Variants in ZNF805 observed in about 807,000 individuals in gnomAD.
The protein encoded by ZNF805 is zinc finger protein 805, also known as CTC-444N24.8.
Under a neutral mutation model 13.6 loss-of-function variants are expected in ZNF805, and 7 were observed. The observed-to-expected ratio is 0.51, with a 90% confidence interval of 0.29 to 0.97. ZNF805 has a LOEUF of 0.97. Ranked by LOEUF, ZNF805 falls within the 50% of genes least tolerant of loss-of-function variation. ZNF805 has a pLI of 0.08. For missense variants in ZNF805, 604 were observed against 771.0 expected (o/e 0.78, Z 2.57); for synonymous variants, 293 against 279.8 (o/e 1.05, Z -0.47).
chr19:57,248,075 G>A (rs142597795), intron 2 of ZNF805, among the ~76,000 whole-genome samples: 2,946 of 152,294 alleles, frequency 0.019, 40 homozygotes, highest in Admixed American at 0.052. Flanking sequence ...CAGGCATGAT[G>A]GCACGCGCCT....
At chr19:57,251,900 C>T (rs1452479851) in intron 3 of ZNF805, among the ~76,000 whole-genome samples, 5 of 152,182 alleles carry the variant, frequency 3.3e-5, no homozygotes, top group Non-Finnish European at 7.3e-5. Flanking sequence ...TTGCCATCTA[C>T]CAAAGCCCCA....
Position 57,253,847 on chromosome 19 carries a change from A to G in ZNF805, c.1028A>G (p.Tyr343Cys). ...ATCATCCACAGTGGTGAGAATCCCT[A>G]CGAGTGCTTCGAATGTGGCAAGGTC... ...HYIIHSGENPYECFECGKVFK... is the reference protein window; with the variant it reads ...HYIIHSGENPCECFECGKVFK... Residue 343 changes from tyrosine to cysteine, a missense_variant, in exon 4 of 4, where the codon TAC becomes TGC. Tyr to Cys is a radical substitution (Grantham distance 194). This residue lies in a region of ZNF805 where 228 missense variants were observed against 352.8 expected (regional missense o/e 0.65). Transcript: ENST00000414468. The surrounding 1 kb of genome is among the most constrained non-coding windows in gnomAD (Gnocchi z 4.4). 1 of 1,614,166 alleles carries G rather than the reference A, an allele frequency of 6.2e-7. No individual in the cohort carries two copies. Among genetic ancestry groups the G allele is most frequent in the Non-Finnish European group, 8.5e-7 (1 of 1,180,028 alleles).
rs376509002 is a variant in ZNF805 at position 57,254,145 on chromosome 19, C to T, written c.1326C>T (p.Phe442=). The T allele has an allele frequency of 3.8e-5, 62 of 1,613,590 alleles. 1 individual carries two copies. In the South Asian group the frequency reaches 4.5e-4, roughly 12 times the overall value. Residue 442 remains phenylalanine, a synonymous_variant, in exon 4 of 4, where the codon TTC becomes TTT. Coordinates refer to ENST00000414468, the MANE Select transcript of ZNF805 (RefSeq NM_001023563.4). ...AGGCCTTCACCCACTGCTCTACTTT[C>T]ATCTTGCATAAAAGGGCCCACACTG... is the stretch of plus-strand genomic sequence containing the variant. ...CGKAFTHCST[F]ILHKRAHTGE... is the part of the protein sequence containing the mutation.
rs1209244042 is a variant in ZNF805, at chr19:57,256,637, C to A, written c.*1934C>A. 2.0e-5 allele frequency among the ~76,000 whole-genome samples: 3 copies of A among 152,102 alleles called. No individual in the cohort carries two copies. The highest frequency in any genetic ancestry group is 7.2e-5 in the African/African-American group (3 of 41,456). Reference sequence around the variant, plus strand: ...ATATTTCCTTTTATCCTCTTGATGGCAGCAGGATCTGTACTTATGTTCCTT... The same window carrying A: ...ATATTTCCTTTTATCCTCTTGATGGAAGCAGGATCTGTACTTATGTTCCTT... On this transcript the variant is annotated 3_prime_UTR_variant, in exon 4 of 4. Transcript: ENST00000414468.
intron 3 of ZNF805, 47 bp downstream of exon 3, chr19:57,248,747 C>A: frequency 6.7e-7 from 1 of 1,483,176 alleles, no homozygotes; most frequent in Non-Finnish European, 9.2e-7. Context: ...TGGCTTGAGA[C>A]TTCGAGGAGA....
Position 57,254,215 on chromosome 19 carries a change from A to G in ZNF805, c.1396A>G (p.Asn466Asp). 1 of 1,610,308 alleles carries G rather than the reference A, an allele frequency of 6.2e-7. No individual in the cohort carries two copies. The highest frequency in any genetic ancestry group is 1.1e-5 in the South Asian group (1 of 90,918). Residue 466 changes from asparagine to aspartate, a missense_variant, in exon 4 of 4, where the codon AAT becomes GAT. Physicochemically the swap from Asn to Asp is conservative, Grantham distance 23. Transcript: ENST00000414468. ...CAAAGAGTGTGGGAAAGCCTTTAGCAATAGGGCAGACCTCATTCGCCACTT... is the reference window on the plus strand; with the variant it reads ...CAAAGAGTGTGGGAAAGCCTTTAGCGATAGGGCAGACCTCATTCGCCACTT... ...ECKECGKAFSNRADLIRHFSI... is the reference protein window; with the variant it reads ...ECKECGKAFSDRADLIRHFSI...
chr19:57,251,252 G>A (rs1164479808), intron 3 of ZNF805, among the ~76,000 whole-genome samples: 1 of 151,978 alleles, frequency 6.6e-6, no homozygotes, highest in South Asian at 2.1e-4. Flanking sequence ...AGGAATTTTT[G>A]GAAGGTTCCA....
rs1348551947 is a variant in ZNF805 at position 57,260,969 on chromosome 19, C to A, written c.*6266C>A. On this transcript the variant is annotated 3_prime_UTR_variant, in exon 4 of 4. Transcript: ENST00000414468. ...TATGACAACTCCATAATGTTATTTC[C>A]CCCCTTTAACTGATTAGAAAACTGA... is the stretch of plus-strand genomic sequence containing the variant. 4.6e-5 allele frequency among the ~76,000 whole-genome samples: 7 copies of A among 152,122 alleles called. No homozygotes were observed. Among genetic ancestry groups the A allele is most frequent in the African/African-American group, 1.7e-4 (7 of 41,408 alleles).
Position 57,253,309 on chromosome 19 carries a change from G to A in ZNF805, c.490G>A (p.Ala164Thr), listed in dbSNP as rs768822798. The change falls in exon 4 of 4, where the codon GCT becomes ACT. Residue 164 changes from alanine (A) to threonine (T), a missense_variant. Around this residue, in one of 3 missense-constraint regions of ZNF805, gnomAD observed 327 missense variants for 378.2 expected, o/e 0.86. Transcript: ENST00000414468. The surrounding 1 kb of genome is among the most constrained non-coding windows in gnomAD (Gnocchi z 4.4). ...CCCCAAACATGATGGTTTAGGGACA[G>A]CTGATAGTGTGTGTTCAAGGATTAT... ...MSPKHDGLGT[A>T]DSVCSRIIQD... 3 of 1,575,014 alleles carry A rather than the reference G, an allele frequency of 1.9e-6. No individual in the cohort carries two copies. The highest frequency in any genetic ancestry group is 1.7e-4 in the Middle Eastern group (1 of 6,020).
At position 57,257,199 on chromosome 19, in the gene ZNF805, T is replaced by C. The variant is rs1056989278; in HGVS notation, c.*2496T>C. Among the ~76,000 whole-genome samples the C allele has an allele frequency of 6.6e-6, 1 of 152,180 alleles. No individual in the cohort carries two copies. Among genetic ancestry groups the C allele is most frequent in the Admixed American group, 6.5e-5 (1 of 15,278 alleles). ...AGGATATAGGCTGTCTTGTTTTACATAGCTGCTTGAAAAGAATGTGTGTTC... is the reference window on the plus strand; with the variant it reads ...AGGATATAGGCTGTCTTGTTTTACACAGCTGCTTGAAAAGAATGTGTGTTC... On this transcript the variant is annotated 3_prime_UTR_variant, in exon 4 of 4. Transcript: ENST00000414468.
intron 1 of ZNF805, 119 bp from the exon 2 acceptor site, chr19:57,243,804 C>A: frequency 1.4e-6 from 2 of 1,415,572 alleles, no homozygotes; most frequent in Non-Finnish European, 2.0e-6. Flanking sequence ...CAGCCTGGTA[C>A]AAAGTTAGGC....
At chr19:57,245,652 G>A (rs534297289) in intron 2 of ZNF805, among the ~76,000 whole-genome samples, 466 of 150,724 alleles carry the variant, frequency 3.1e-3, no homozygotes, top group South Asian at 6.4e-3. Flanking sequence ...GGTGGCGGGT[G>A]CCTGTAGTCC....
At position 57,254,645 on chromosome 19, in the gene ZNF805, C is replaced by G. The variant is rs1451941446; in HGVS notation, c.1826C>G (p.Ser609Cys). Residue 609 changes from serine to cysteine, a missense_variant, in exon 4 of 4, where the codon TCT becomes TGT. Ser to Cys is a moderately radical substitution (Grantham distance 112). Transcript: ENST00000414468. ...GAAAATCTTTTGCAAGAGGAAGCAT[C>G]TTACATGGCATCTGATCGTACATAC... is the stretch of plus-strand genomic sequence containing the variant. ...TEENLLQEEASYMASDRTYQR... is the reference protein window; with the variant it reads ...TEENLLQEEACYMASDRTYQR... 2 of 1,614,128 alleles carry G rather than the reference C, an allele frequency of 1.2e-6. No homozygotes were observed. The highest frequency in any genetic ancestry group is 8.5e-7 in the Non-Finnish European group (1 of 1,179,996).
Position 57,261,244 on chromosome 19 carries a change from A to G in ZNF805, c.*6541A>G, listed in dbSNP as rs140985563. 2 of 167,178 alleles carry G rather than the reference A, an allele frequency of 1.2e-5. No homozygotes were observed. Among genetic ancestry groups the G allele is most frequent in the East Asian group, 3.9e-4 (2 of 5,192 alleles). 10.4% of individuals were successfully genotyped at this position (167,178 alleles called of 1,614,324 possible). Reference sequence around the variant, plus strand: ...CCATTCCTTCAAGCAAATGAGATAAACCAGACTCACTCTTTAATGCCTGCA... The same window carrying G: ...CCATTCCTTCAAGCAAATGAGATAAGCCAGACTCACTCTTTAATGCCTGCA... On this transcript the variant is annotated 3_prime_UTR_variant, in exon 4 of 4. Coordinates refer to ENST00000414468, the MANE Select transcript of ZNF805 (RefSeq NM_001023563.4).
At chr19:57,245,537 T>A (rs185773737) in intron 2 of ZNF805, among the ~76,000 whole-genome samples, 2 of 151,610 alleles carry the variant, frequency 1.3e-5, no homozygotes, top group Non-Finnish European at 2.9e-5. Flanking sequence ...CCCAGCACTT[T>A]GGGAGGCCGA....
chr19:57,240,735 T>C lies in ZNF805; in HGVS notation c.-157T>C. ...TAGGAGGCCGACAGCGACCTCCGCG[T>C]CTCGGAGCGAACCGTGAGCCTCCCC... is the stretch of plus-strand genomic sequence containing the variant. On this transcript the variant is annotated 5_prime_UTR_variant, in exon 1 of 4. Coordinates refer to ENST00000414468, the MANE Select transcript of ZNF805 (RefSeq NM_001023563.4). The C allele has an allele frequency of 1.5e-6, 1 of 645,858 alleles. No individual in the cohort carries two copies. The highest frequency in any genetic ancestry group is 2.5e-6 in the Non-Finnish European group (1 of 394,018). The allele number at this position is 645,858 out of a possible 1,614,324, so 40.0% of individuals were successfully genotyped here. A position where few individuals can be genotyped will look rare whatever the true frequency, so the allele number is the denominator to read the frequency against.
chr19:57,241,528 G>A (rs1297598535), intron 1 of ZNF805, among the ~76,000 whole-genome samples: 4 of 152,112 alleles, frequency 2.6e-5, no homozygotes, highest in East Asian at 1.9e-4. Context: ...AGGGACTCCC[G>A]TCACACACAT....
In ZNF805 at chr19:57,253,920, G is replaced by A. The variant is rs1199817222; in HGVS notation, c.1101G>A (p.Gly367=). The A allele has an allele frequency of 1.9e-6, 3 of 1,613,890 alleles. No individual in the cohort carries two copies. The highest frequency in any genetic ancestry group is 1.7e-5 in the Admixed American group (1 of 60,004). Residue 367 remains glycine (G), a synonymous_variant, in exon 4 of 4, where the codon GGG becomes GGA. Coordinates refer to ENST00000414468, the MANE Select transcript of ZNF805 (RefSeq NM_001023563.4). This position sits in a 1 kb window ranked among gnomAD's most constrained non-coding sequence, Gnocchi z 4.4. ...YLMWHQQTHT[G]EKPYECSECG... ...TGTGGCACCAGCAGACTCATACCGG[G>A]GAGAAGCCCTATGAGTGCAGTGAAT...
intron 2 of ZNF805, among the ~76,000 whole-genome samples, chr19:57,246,523 A>G (rs73629335): frequency 0.22 from 32,862 of 152,016 alleles, 4,152 homozygotes; most frequent in African/African-American, 0.35. Flanking sequence ...CATGCCTGCA[A>G]TCTCAGCACT....
Sources: allele counts gnomAD v4.1 joint callset (sites outside exome capture counted in the v4.1 genomes callset), GRCh38; gene constraint gnomAD v4.1.1; regional missense constraint gnomAD v4.1.1; non-coding constraint Gnocchi (gnomAD v3.1); transcripts MANE v1.5; gene names NCBI Gene and HGNC (gene_info 2026-07-23, HGNC 2026-07-21).